Variants in ERICH1 observed in about 807,000 individuals in gnomAD.
ERICH1 encodes glutamate-rich protein 1.
A neutral mutation model predicts 39.6 loss-of-function variants in ERICH1; 56 were observed. The ratio of observed to expected loss-of-function variants is 1.41; its 90% CI spans 1.14 to 1.77. The LOEUF (loss-of-function observed/expected upper bound fraction) is 1.77, where lower values mean the gene tolerates loss of function less well. Ranked by LOEUF, ERICH1 falls within the 40% of genes most tolerant of loss-of-function variation. ERICH1 has a pLI of 0.00. For synonymous variants in ERICH1, 313 were observed against 223.6 expected, an observed-to-expected ratio of 1.40 and a Z score of -3.57; for missense variants, 826 against 575.4, an observed-to-expected ratio of 1.44 and a Z score of -4.45.
intron 3 of ERICH1, among the ~76,000 whole-genome samples, chr8:651,026 A>T (rs1456097363): frequency 2.0e-5 from 3 of 152,240 alleles, no homozygotes; most frequent in Non-Finnish European, 4.4e-5. Flanking sequence ...ATAGAGCTCT[A>T]GTCTTGCAGG....
At chr8:712,059 A>G (rs914875080) in intron 2 of ERICH1, among the ~76,000 whole-genome samples, 2 of 152,202 alleles carry the variant, frequency 1.3e-5, no homozygotes, top group African/African-American at 4.8e-5. Flanking sequence ...TCTGGTAAGT[A>G]ACTCTTGAAG....
At chr8:618,328 T>A (rs570842269) in intron 3 of ERICH1, among the ~76,000 whole-genome samples, 24 of 151,032 alleles carry the variant, frequency 1.6e-4, no homozygotes, top group Non-Finnish European at 3.1e-4. Context: ...CTGTGTTCCA[T>A]CTGTCCTCAG....
rs187459635 is a variant in ERICH1 at position 713,810 on chromosome 8, G to A, written c.169+2051C>T. Reference sequence around the variant, plus strand: ...CAGCTCTCAGGAACACAAATGCGTGGAGAACAAATGCCCAGTGAGAGACCA... The same window carrying A: ...CAGCTCTCAGGAACACAAATGCGTGAAGAACAAATGCCCAGTGAGAGACCA... On this transcript the variant is annotated intron_variant, in intron 2 of 5. Transcript: ENST00000262109. 8.9e-3 allele frequency among the ~76,000 whole-genome samples: 1,349 copies of A among 152,292 alleles called. 6 individuals carry two copies. The highest frequency in any genetic ancestry group is 0.015 in the Non-Finnish European group (1,008 of 68,018).
At chr8:671,693 C>T (rs1005193132) in intron 4 of ERICH1, 1 of 159,584 alleles carries the variant, frequency 6.3e-6, no homozygotes, top group Non-Finnish European at 1.3e-5. Flanking sequence ...TCACTGGGCT[C>T]CAGGCTGCGA....
At chr8:691,066 C>G (rs1743693353) in intron 3 of ERICH1, 1 of 152,358 alleles carries the variant, frequency 6.6e-6, no homozygotes, top group Admixed American at 6.5e-5. Context: ...AGCTGCAAGG[C>G]TGTGCTTGGG....
chr8:703,472 G>C (rs989709057), intron 2 of ERICH1, among the ~76,000 whole-genome samples: 3 of 152,170 alleles, frequency 2.0e-5, no homozygotes, highest in South Asian at 2.1e-4. Context: ...GGAGAAAAAG[G>C]GGGGCAGGCA....
In ERICH1 at chr8:664,450, G is replaced by C; in HGVS notation, c.*153C>G. The C allele has an allele frequency of 5.5e-6, 7 of 1,269,348 alleles. No individual in the cohort carries two copies. Among genetic ancestry groups the C allele is most frequent in the South Asian group, 3.4e-5 (1 of 29,810 alleles). 78.6% of individuals were successfully genotyped at this position (1,269,348 alleles called of 1,614,324 possible). ...CCCCAATTTCTCATCTGAAGCCTCA[G>C]ATGGCATCTTGCCCACCAGGAACAA... On this transcript the variant is annotated 3_prime_UTR_variant, in exon 6 of 6. Coordinates refer to ENST00000262109, the MANE Select transcript of ERICH1 (RefSeq NM_207332.3).
At chr8:710,128 C>A (rs1034218051) in intron 2 of ERICH1, among the ~76,000 whole-genome samples, 1 of 152,208 alleles carries the variant, frequency 6.6e-6, no homozygotes, top group African/African-American at 2.4e-5. Context: ...CGCTGACACA[C>A]GTTGCCACCC....
At chr8:685,667 C>A (rs558157703) in intron 3 of ERICH1, among the ~76,000 whole-genome samples, 1 of 152,294 alleles carries the variant, frequency 6.6e-6, no homozygotes, top group Non-Finnish European at 1.5e-5. Flanking sequence ...TGTTCTCTGT[C>A]ACGCCTTCAG....
chr8:620,364 A>T (rs1797207393), intron 3 of ERICH1, among the ~76,000 whole-genome samples: 1 of 152,172 alleles, frequency 6.6e-6, no homozygotes, highest in African/African-American at 2.4e-5. Flanking sequence ...TGTTAGATAT[A>T]AACCTAATAA....
intron 3 of ERICH1, among the ~76,000 whole-genome samples, chr8:648,276 G>C (rs1258577116): frequency 1.5e-5 from 1 of 65,480 alleles, no homozygotes; most frequent in East Asian, 3.1e-4. Context: ...GGATGAACCA[G>C]TCTCGGGTAT....
intron 3 of ERICH1, among the ~76,000 whole-genome samples, chr8:680,428 C>A (rs1355424476): frequency 6.6e-6 from 1 of 151,854 alleles, no homozygotes; most frequent in Non-Finnish European, 1.5e-5. Context: ...AGCTGCCACC[C>A]CTCCCCTGAA....
intron 3 of ERICH1, among the ~76,000 whole-genome samples, chr8:688,269 C>T (rs1411823219): frequency 5.4e-5 from 4 of 74,216 alleles, no homozygotes; most frequent in African/African-American, 2.4e-4. Context: ...GCCCCCAGTT[C>T]CGCCCGTCCC....
chr8:728,475 C>G (rs1434471676), intron 1 of ERICH1, among the ~76,000 whole-genome samples: 1 of 152,210 alleles, frequency 6.6e-6, no homozygotes, highest in African/African-American at 2.4e-5. Context: ...CACGCAGTCC[C>G]TGGGAGATCT....
intron 2 of ERICH1, among the ~76,000 whole-genome samples, chr8:715,388 T>C (rs1223005636): frequency 6.6e-6 from 1 of 152,192 alleles, no homozygotes; most frequent in Non-Finnish European, 1.5e-5. Context: ...TCATGGCAGA[T>C]GATCCTGCAG....
intron 3 of ERICH1, 140 bp downstream of exon 3, chr8:692,338 G>A (rs1268970616): frequency 8.3e-7 from 1 of 1,211,438 alleles, no homozygotes; most frequent in Admixed American, 2.6e-5. Flanking sequence ...GGTACACCAT[G>A]TGGTTCATTA....
intron 3 of ERICH1, among the ~76,000 whole-genome samples, chr8:684,272 T>C (rs555900013): frequency 7.2e-5 from 11 of 152,322 alleles, no homozygotes; most frequent in African/African-American, 2.6e-4. Context: ...ACAATTTTTT[T>C]AATTTAAAGA....
At chr8:710,750 A>G (rs1814548128) in intron 2 of ERICH1, among the ~76,000 whole-genome samples, 1 of 152,222 alleles carries the variant, frequency 6.6e-6, no homozygotes, top group Admixed American at 6.5e-5. Flanking sequence ...GTCTGGATGT[A>G]CCACAATTTG....
At chr8:689,201 T>G (rs1808358794) in intron 3 of ERICH1, among the ~76,000 whole-genome samples, 1 of 151,952 alleles carries the variant, frequency 6.6e-6, no homozygotes, top group South Asian at 2.1e-4. Context: ...GGCCTCCGCC[T>G]CCCCAGTTCA....
Sources: gnomAD v4.1 joint callset for allele counts (sites outside exome capture counted in the v4.1 genomes callset) on GRCh38, gnomAD v4.1.1 for gene constraint, MANE v1.5 for transcripts, NCBI Gene and HGNC (gene_info 2026-07-23, HGNC 2026-07-21) for gene names.